The following MBD5 variants were observed in gnomAD, a reference collection of about 807,000 sequenced individuals.
The protein encoded by MBD5 is methyl-CpG-binding domain protein 5.
Under a neutral mutation model 117.3 loss-of-function variants are expected in MBD5, and 13 were observed. The ratio of observed to expected loss-of-function variants is 0.11; its 90% confidence interval spans 0.07 to 0.18. The LOEUF (loss-of-function observed/expected upper bound fraction) is 0.18, where lower values mean the gene tolerates loss of function less well. Ranked by LOEUF, MBD5 falls within the 10% of genes least tolerant of loss-of-function variation. The pLI is 1.00. For missense variants in MBD5, 1,879 were observed against 2,093.8 expected (o/e 0.90, Z 2.00); for synonymous variants, 727 against 766.4 (o/e 0.95, Z 0.85).
At chr2:148,267,952 C>CTTTTTTTTTT (rs764230358) in intron 3 of MBD5, among the ~76,000 whole-genome samples, 2 of 127,280 alleles carry the variant, frequency 1.6e-5, no homozygotes, top group East Asian at 2.2e-4. Flanking sequence ...TCTTTTTTTT[C>CTTTTTTTTTT]TTTTTTTTTT....
chr2:148,496,840 A>C (rs1681717701), intron 11 of MBD5, among the ~76,000 whole-genome samples: 1 of 152,214 alleles, frequency 6.6e-6, no homozygotes, highest in East Asian at 1.9e-4. Context: ...CATTTGAAAA[A>C]AATTGGGATT....
intron 3 of MBD5, among the ~76,000 whole-genome samples, chr2:148,239,186 A>G (rs1385547020): frequency 2.6e-5 from 4 of 152,090 alleles, no homozygotes; most frequent in African/African-American, 7.2e-5. Context: ...ACTTGTGATA[A>G]GACATGATCT....
chr2:148,340,096 C>T (rs1203914800), intron 3 of MBD5, among the ~76,000 whole-genome samples: 3 of 152,082 alleles, frequency 2.0e-5, no homozygotes, highest in African/African-American at 7.2e-5. Flanking sequence ...TCCATTCTGC[C>T]TAAAAACTCT....
intron 1 of MBD5, among the ~76,000 whole-genome samples, chr2:148,048,148 AC>A (rs1257350656): frequency 1.3e-5 from 2 of 152,142 alleles, no homozygotes; most frequent in African/African-American, 4.8e-5. Context: ...GCATCATTTT[AC>A]CTGTTCAAAA....
At chr2:148,355,612 G>A (rs988444570) in intron 4 of MBD5, among the ~76,000 whole-genome samples, 1 of 152,040 alleles carries the variant, frequency 6.6e-6, no homozygotes, top group Non-Finnish European at 1.5e-5. Flanking sequence ...TTATTTCTGA[G>A]GTCTCTGTTC....
At position 148,132,566 on chromosome 2, in the gene MBD5, C is replaced by G. The variant is rs891309819; in HGVS notation, c.-924-46134C>G. On this transcript the variant is annotated intron_variant, in intron 1 of 13. Transcript: ENST00000642680. ...AAAAGGAATCCTCATACATCTTTTC[C>G]CATCTTGCATAACACAAAAATAGCT... Among the ~76,000 whole-genome samples, 5 of 151,854 alleles carry G rather than the reference C, an allele frequency of 3.3e-5. No homozygotes were observed. In the East Asian group the frequency reaches 7.7e-4, roughly 23 times the overall value.
At chr2:148,361,456 G>A (rs1400986778) in intron 4 of MBD5, among the ~76,000 whole-genome samples, 1 of 152,108 alleles carries the variant, frequency 6.6e-6, no homozygotes, top group Non-Finnish European at 1.5e-5. Context: ...TGTTTTATTA[G>A]TATTTCCAAA....
intron 3 of MBD5, among the ~76,000 whole-genome samples, chr2:148,274,728 T>TC (rs1701065002): frequency 6.6e-6 from 1 of 150,592 alleles, no homozygotes; most frequent in Non-Finnish European, 1.5e-5. Flanking sequence ...TTTTTTTGTT[T>TC]TTTTTTTTTT....
rs189081624 is a variant in MBD5, at chr2:148,458,003, G to A, written c.-556-200G>A. ...TAGTAATTAGAAAGTTGGATATGCC[G>A]AAGAGCAAGTAGATTAGTTTAATTG... is the stretch of plus-strand genomic sequence containing the variant. On this transcript the variant is annotated intron_variant, in intron 4 of 13. Coordinates refer to ENST00000642680, the MANE Select transcript of MBD5 (RefSeq NM_001378120.1). Among the ~76,000 whole-genome samples the A allele has an allele frequency of 2.7e-3, 414 of 152,204 alleles. 2 individuals are homozygous for A. Among genetic ancestry groups the A allele is most frequent in the African/African-American group, 9.7e-3 (403 of 41,550 alleles).
intron 1 of MBD5, among the ~76,000 whole-genome samples, chr2:148,100,188 A>G (rs1408404864): frequency 2.0e-5 from 3 of 152,196 alleles, no homozygotes; most frequent in Admixed American, 1.3e-4. Flanking sequence ...GTCACTGGGG[A>G]GGAAGAATGT....
chr2:148,167,983 TAG>T (rs1558955987), intron 1 of MBD5, among the ~76,000 whole-genome samples: 5 of 152,220 alleles, frequency 3.3e-5, no homozygotes, highest in Admixed American at 3.3e-4. Context: ...CATATTGCTT[TAG>T]ACCTTTTAAA....
intron 3 of MBD5, among the ~76,000 whole-genome samples, chr2:148,315,539 G>T (rs1026060626): frequency 1.3e-5 from 2 of 152,128 alleles, no homozygotes; most frequent in Non-Finnish European, 2.9e-5. Flanking sequence ...GGACCATGAG[G>T]TATATATTTC....
At chr2:148,403,201 A>G (rs1218185204) in intron 4 of MBD5, among the ~76,000 whole-genome samples, 2 of 149,792 alleles carry the variant, frequency 1.3e-5, no homozygotes, top group Non-Finnish European at 3.0e-5. Context: ...TTTTTTTGAG[A>G]CAGGGTCTCA....
In MBD5 at chr2:148,458,819, G is replaced by A. The variant is rs1486371781; in HGVS notation, c.61G>A (p.Val21Ile). The change falls in exon 5 of 14, where the codon GTT becomes ATT. Residue 21 changes from valine (V) to isoleucine (I), a missense_variant. By Grantham distance (29) the Val-to-Ile change is conservative. Around this residue, in one of 4 missense-constraint regions of MBD5, gnomAD observed 71 missense variants for 129.2 expected, o/e 0.55. Transcript: ENST00000642680. ...GGAAGGAGGTCTTCCAGCTATACAA[G>A]TTCCTGTGGGTTGGCAGCGTCGTGT... ...DKEGGLPAIQ[V>I]PVGWQRRVDQ... 1 of 1,613,690 alleles carries A rather than the reference G, an allele frequency of 6.2e-7. No homozygotes were observed. Among genetic ancestry groups the A allele is most frequent in the Non-Finnish European group, 8.5e-7 (1 of 1,179,716 alleles).
intron 4 of MBD5, among the ~76,000 whole-genome samples, chr2:148,367,823 A>G (rs1703745821): frequency 6.6e-6 from 1 of 152,052 alleles, no homozygotes. Context: ...AAAAGTCAGG[A>G]AACAACAGAT....
intron 1 of MBD5, among the ~76,000 whole-genome samples, chr2:148,022,292 T>A (rs140985971): frequency 4.3e-4 from 65 of 152,304 alleles, no homozygotes; most frequent in African/African-American, 1.6e-3. Context: ...AAATTTCAAA[T>A]TTTTAGTTGG....
At chr2:148,043,379 G>A (rs1479437299) in intron 1 of MBD5, among the ~76,000 whole-genome samples, 1 of 151,994 alleles carries the variant, frequency 6.6e-6, no homozygotes, top group East Asian at 1.9e-4. Context: ...CCTGAACCCA[G>A]GAGGCGGAGG....
intron 4 of MBD5, among the ~76,000 whole-genome samples, chr2:148,434,279 C>T (rs1706087425): frequency 6.6e-6 from 1 of 151,610 alleles, no homozygotes; most frequent in Admixed American, 6.6e-5. Context: ...CTTTTTTTGT[C>T]TAGCAACTGT....
intron 5 of MBD5, among the ~76,000 whole-genome samples, chr2:148,459,245 G>A (rs1042708286): frequency 1.3e-5 from 2 of 151,940 alleles, no homozygotes; most frequent in African/African-American, 2.4e-5. Context: ...TGATAAAATT[G>A]AGTTTTTATC....
Sources: allele counts gnomAD v4.1 joint callset (sites outside exome capture counted in the v4.1 genomes callset), GRCh38; gene constraint gnomAD v4.1.1; regional missense constraint gnomAD v4.1.1; transcripts MANE v1.5; gene names NCBI Gene and HGNC (gene_info 2026-07-23, HGNC 2026-07-21).